Variants in HMGCLL1 observed in about 807,000 individuals in gnomAD.
The protein encoded by HMGCLL1 is 3-hydroxymethyl-3-methylglutaryl-CoA lyase, cytoplasmic.
A neutral mutation model predicts 39.1 loss-of-function variants in HMGCLL1; 36 were observed. The ratio of observed to expected loss-of-function variants is 0.92; its 90% CI spans 0.71 to 1.22. The LOEUF is 1.22. Among genes scored for constraint, HMGCLL1 ranks in the 50% most tolerant of loss-of-function variants. The probability of loss-of-function intolerance (pLI) is 0.00; values close to 1 mark genes in which losing one functional copy is unlikely to be tolerated. For synonymous variants in HMGCLL1, 149 were observed against 144.0 expected (o/e 1.03, Z -0.25); for missense variants, 451 against 416.5 (o/e 1.08, Z -0.72).
At chr6:55,554,229 C>G (rs1770522840) in intron 1 of HMGCLL1, among the ~76,000 whole-genome samples, 1 of 152,102 alleles carries the variant, frequency 6.6e-6, no homozygotes, top group African/African-American at 2.4e-5. Context: ...GCATCATATG[C>G]TTAGAGGCAA....
chr6:55,457,684 A>T (rs1426557055), intron 7 of HMGCLL1, among the ~76,000 whole-genome samples: 1 of 150,992 alleles, frequency 6.6e-6, no homozygotes, highest in Non-Finnish European at 1.5e-5. Flanking sequence ...CATCTCTCTC[A>T]TCATTTTTTT....
rs912101587 is a variant in HMGCLL1, at chr6:55,532,133, T to G, written c.297+9596A>C. ...TTTAATATTATGTTTTGGTTATTTT[T>G]TTAAATCTAAGAACAAAGAAAACCC... On this transcript the variant is annotated intron_variant, in intron 3 of 8. Coordinates refer to ENST00000274901, the MANE Select transcript of HMGCLL1 (RefSeq NM_001042406.2). Among the ~76,000 whole-genome samples, 4 of 152,244 alleles carry G rather than the reference T, an allele frequency of 2.6e-5. No individual in the cohort carries two copies. The East Asian group carries it at 7.8e-4, about 30-fold the overall frequency.
the HMGCLL1 span, among the ~76,000 whole-genome samples, chr6:55,644,726 C>A: frequency 6.1e-3 from 932 of 151,992 alleles, 13 homozygotes; most frequent in African/African-American, 0.021. Context: ...GGATTGGTTT[C>A]TGGGTTTTCT....
chr6:55,449,743 G>A (rs1764000266), intron 7 of HMGCLL1, among the ~76,000 whole-genome samples: 1 of 151,806 alleles, frequency 6.6e-6, no homozygotes, highest in African/African-American at 2.4e-5. Context: ...AAATTGTTTA[G>A]TAGTTGTCAT....
At chr6:55,614,804 C>T in the HMGCLL1 span, among the ~76,000 whole-genome samples, 1 of 152,022 alleles carries the variant, frequency 6.6e-6, no homozygotes, top group African/African-American at 2.4e-5. Context: ...AAAAATCTGT[C>T]ATTCGGTCTA....
chr6:55,627,903 T>A, the HMGCLL1 span, among the ~76,000 whole-genome samples: 1 of 22,196 alleles, frequency 4.5e-5, no homozygotes, highest in Admixed American at 9.5e-4. Context: ...ATATATAGTA[T>A]ATATACTATA....
At chr6:55,564,431 T>C (rs1771111992) in intron 1 of HMGCLL1, among the ~76,000 whole-genome samples, 1 of 152,140 alleles carries the variant, frequency 6.6e-6, no homozygotes, top group Non-Finnish European at 1.5e-5. Context: ...AGGGTACATG[T>C]GCACAATGTG....
chr6:55,631,251 C>T, the HMGCLL1 span, among the ~76,000 whole-genome samples: 2 of 151,956 alleles, frequency 1.3e-5, no homozygotes, highest in African/African-American at 4.8e-5. Context: ...TCGATTTGCC[C>T]TTTTGAGACT....
At chr6:55,568,148 A>G (rs777952404) in intron 1 of HMGCLL1, among the ~76,000 whole-genome samples, 5 of 152,178 alleles carry the variant, frequency 3.3e-5, no homozygotes, top group Non-Finnish European at 5.9e-5. Context: ...ATTATTTTCT[A>G]TAAGAAAAAA....
the HMGCLL1 span, among the ~76,000 whole-genome samples, chr6:55,607,170 T>C: frequency 6.6e-6 from 1 of 152,178 alleles, no homozygotes; most frequent in African/African-American, 2.4e-5. Flanking sequence ...TGGAGATAAG[T>C]ATTTGTCACA....
chr6:55,467,614 T>C (rs551494211), intron 7 of HMGCLL1, among the ~76,000 whole-genome samples: 15 of 152,180 alleles, frequency 9.9e-5, no homozygotes, highest in Non-Finnish European at 1.5e-5. Context: ...CTAGCTACTA[T>C]GGCATCGAGT....
At chr6:55,495,676 C>T (rs1766540621) in intron 6 of HMGCLL1, 69 bp from the exon 7 acceptor site, 1 of 1,114,322 alleles carries the variant, frequency 9.0e-7, no homozygotes, top group African/African-American at 1.6e-5. Context: ...TGTGCCACAA[C>T]TAACATCATC....
At chr6:55,605,657 CTAAT>C in the HMGCLL1 span, among the ~76,000 whole-genome samples, 1 of 152,082 alleles carries the variant, frequency 6.6e-6, no homozygotes, top group Non-Finnish European at 1.5e-5. Context: ...CAACAGCTCT[CTAAT>C]TATGTATTCC....
In HMGCLL1 at chr6:55,476,191, C is replaced by G. The variant is rs111386398; in HGVS notation, c.795+19228G>C. On this transcript the variant is annotated intron_variant, in intron 7 of 8. Transcript: ENST00000274901. The stretch of plus-strand genomic sequence containing the variant: ...AAACTGGTATTTGTTCAATATTGAG[C>G]CTTCCAAGCCTGAAACTTATCTCTC... Among the ~76,000 whole-genome samples the G allele has an allele frequency of 7.2e-3, 1,098 of 151,576 alleles. 7 individuals carry two copies. Among genetic ancestry groups the G allele is most frequent in the African/African-American group, 0.019 (789 of 41,430 alleles).
At chr6:55,470,534 T>C (rs1007539940) in intron 7 of HMGCLL1, among the ~76,000 whole-genome samples, 7 of 151,872 alleles carry the variant, frequency 4.6e-5, no homozygotes, top group African/African-American at 1.7e-4. Flanking sequence ...ATTTCATTTT[T>C]TTCTTTAACT....
At chr6:55,617,240 G>A in the HMGCLL1 span, among the ~76,000 whole-genome samples, 1 of 152,054 alleles carries the variant, frequency 6.6e-6, no homozygotes, top group Non-Finnish European at 1.5e-5. Context: ...CAAGTAGCCT[G>A]CACCTGGACA....
At chr6:55,645,440 A>G in the HMGCLL1 span, among the ~76,000 whole-genome samples, 1 of 151,932 alleles carries the variant, frequency 6.6e-6, no homozygotes, top group African/African-American at 2.4e-5. Context: ...ACTAAGTTCA[A>G]TAACAGTGGT....
At chr6:55,648,033 T>C in the HMGCLL1 span, among the ~76,000 whole-genome samples, 2 of 129,112 alleles carry the variant, frequency 1.5e-5, no homozygotes. Flanking sequence ...GGTTTTTTGT[T>C]CTTGCGATAG....
At chr6:55,603,980 T>C in the HMGCLL1 span, among the ~76,000 whole-genome samples, 1 of 152,178 alleles carries the variant, frequency 6.6e-6, no homozygotes. Flanking sequence ...ACAAAAATTA[T>C]ATTGATTTAA....
Sources: gnomAD v4.1 joint callset for allele counts (sites outside exome capture counted in the v4.1 genomes callset) on GRCh38, gnomAD v4.1.1 for gene constraint, MANE v1.5 for transcripts, NCBI Gene and HGNC (gene_info 2026-07-23, HGNC 2026-07-21) for gene names.